Variants in DNAH3 observed in about 807,000 individuals in gnomAD.
DNAH3 encodes axonemal beta dynein heavy chain 3.
A neutral mutation model predicts 432.5 loss-of-function variants in DNAH3; 332 were observed. The observed-to-expected ratio is 0.77, with a 90% CI of 0.70 to 0.84. DNAH3 has a LOEUF of 0.84. Among genes scored for constraint, DNAH3 ranks in the 40% least tolerant of loss-of-function variants. The probability of loss-of-function intolerance (pLI) is 0.00; values close to 1 mark genes in which losing one functional copy is unlikely to be tolerated. For synonymous variants in DNAH3, 1,956 were observed against 1,900.2 expected (o/e 1.03, Z -0.76); for missense variants, 4,861 against 5,114.0 (o/e 0.95, Z 1.51).
At chr16:21,003,589 A>G (rs1227769467) in intron 41 of DNAH3, among the ~76,000 whole-genome samples, 1 of 152,098 alleles carries the variant, frequency 6.6e-6, no homozygotes, top group African/African-American at 2.4e-5. Context: ...CCTCGCCAAC[A>G]GGGTGAAACC....
At chr16:21,098,714 T>C (rs1183774169) in exon 17 of DNAH3, 1 of 1,613,902 alleles carries the variant, frequency 6.2e-7, no homozygotes, top group Non-Finnish European at 8.5e-7. Context: ...TCGCGCTTCC[T>C]AAAACTTTCC....
chr16:21,001,198 G>T (rs1229657926), intron 42 of DNAH3, among the ~76,000 whole-genome samples: 3 of 152,216 alleles, frequency 2.0e-5, no homozygotes, highest in Non-Finnish European at 4.4e-5. Context: ...TCAGGTCCCA[G>T]TTGGACTCTT....
chr16:21,048,635 T>G (rs1222801152), intron 31 of DNAH3, among the ~76,000 whole-genome samples: 1 of 151,962 alleles, frequency 6.6e-6, no homozygotes, highest in Non-Finnish European at 1.5e-5. Flanking sequence ...ATCACCCGTC[T>G]TCTTCGTCGC....
At chr16:20,971,061 T>C (rs1323308843) in intron 51 of DNAH3, among the ~76,000 whole-genome samples, 1 of 151,984 alleles carries the variant, frequency 6.6e-6, no homozygotes, top group Non-Finnish European at 1.5e-5. Context: ...ATAGATGGGG[T>C]TTCACCATGT....
At chr16:20,959,436 G>C in intron 53 of DNAH3, 32 bp from the exon 54 acceptor site, 1 of 1,598,128 alleles carries the variant, frequency 6.3e-7, no homozygotes, top group Non-Finnish European at 8.6e-7. Flanking sequence ...GCTTTTGAAA[G>C]ACGACAGGCC....
chr16:21,007,076 G>C (rs1336051528), intron 41 of DNAH3, among the ~76,000 whole-genome samples: 1 of 152,064 alleles, frequency 6.6e-6, no homozygotes, highest in African/African-American at 2.4e-5. Flanking sequence ...ACCAATACTT[G>C]TTGTTTTTCA....
intron 14 of DNAH3, among the ~76,000 whole-genome samples, chr16:21,111,180 G>C (rs1233326130): frequency 6.6e-6 from 1 of 152,170 alleles, no homozygotes; most frequent in Non-Finnish European, 1.5e-5. Context: ...TTTTGAAAAA[G>C]AAAAAGATTG....
intron 20 of DNAH3, among the ~76,000 whole-genome samples, chr16:21,080,389 T>C (rs750362493): frequency 5.3e-5 from 8 of 152,256 alleles, no homozygotes; most frequent in Non-Finnish European, 1.0e-4. Context: ...CAATAATGTA[T>C]TTGACTCAAT....
Position 21,067,772 on chromosome 16 carries a change from G to GAGGGA in DNAH3, c.3382-354_3382-353insTCCCT, listed in dbSNP as rs376704368. On this transcript the variant is annotated intron_variant, in intron 23 of 61. Transcript: ENST00000261383. ...AAGCCAGTCTTGGGGGGGGGGGTGG[G>GAGGGA]GAGGGAGAGAGAGAGAGAGAGAGAG... Among the ~76,000 whole-genome samples the GAGGGA allele has an allele frequency of 6.0e-3, 142 of 23,638 alleles. 1 individual carries two copies. The highest frequency in any genetic ancestry group is 0.014 in the Middle Eastern group (1 of 70). 15.5% of individuals were successfully genotyped at this position (23,638 alleles called of 152,430 possible).
At chr16:21,084,634 AT>A (rs2091303242) in intron 19 of DNAH3, among the ~76,000 whole-genome samples, 2 of 152,140 alleles carry the variant, frequency 1.3e-5, no homozygotes, top group African/African-American at 4.8e-5. Flanking sequence ...GATTTTTTAA[AT>A]TTAAATTAAT....
chr16:21,106,805 A>G (rs528891284), intron 14 of DNAH3, 131 bp from the exon 15 acceptor site: 13 of 742,662 alleles, frequency 1.8e-5, no homozygotes, highest in Middle Eastern at 4.3e-4. Flanking sequence ...ATTTTTTTTT[A>G]ATTTTTTCCC....
intron 42 of DNAH3, among the ~76,000 whole-genome samples, chr16:21,001,528 T>C (rs1567617421): frequency 6.6e-6 from 1 of 152,156 alleles, no homozygotes; most frequent in African/African-American, 2.4e-5. Flanking sequence ...CTATGTATAC[T>C]GGTAGAAAAA....
intron 5 of DNAH3, chr16:21,140,272 G>A (rs2092701603): frequency 3.4e-6 from 1 of 290,630 alleles, no homozygotes; most frequent in Non-Finnish European, 6.3e-6. Context: ...CACTATTTTT[G>A]CAACTTATAT....
chr16:21,037,191 C>T (rs2089215327), intron 34 of DNAH3, among the ~76,000 whole-genome samples: 2 of 152,100 alleles, frequency 1.3e-5, no homozygotes, highest in Admixed American at 1.3e-4. Context: ...TGCCTGTAAT[C>T]CCAGCTATTC....
intron 53 of DNAH3, among the ~76,000 whole-genome samples, chr16:20,962,700 A>G (rs1567534607): frequency 6.6e-6 from 1 of 152,188 alleles, no homozygotes; most frequent in East Asian, 1.9e-4. Flanking sequence ...TCTGTCACCT[A>G]GACTGGAGTG....
chr16:21,054,954 C>T (rs1016045191), intron 27 of DNAH3, among the ~76,000 whole-genome samples: 2 of 151,704 alleles, frequency 1.3e-5, no homozygotes, highest in East Asian at 1.9e-4. Flanking sequence ...AACTGAGAAC[C>T]GTATGCTAAA....
At chr16:21,007,566 T>C (rs1008563196) in intron 41 of DNAH3, among the ~76,000 whole-genome samples, 1 of 152,212 alleles carries the variant, frequency 6.6e-6, no homozygotes, top group African/African-American at 2.4e-5. Flanking sequence ...GTTATTTGTC[T>C]TTTTATTATT....
chr16:21,144,937 G>C (rs1215764051), intron 3 of DNAH3, among the ~76,000 whole-genome samples: 1 of 151,894 alleles, frequency 6.6e-6, no homozygotes, highest in Non-Finnish European at 1.5e-5. Context: ...GGCCAACATA[G>C]TGAAACCCCA....
chr16:21,139,849 G>C (rs2092696347), intron 5 of DNAH3, among the ~76,000 whole-genome samples: 1 of 129,358 alleles, frequency 7.7e-6, no homozygotes, highest in African/African-American at 3.0e-5. Context: ...GCTCAATCTT[G>C]GCTCACTGCA....
Sources: gnomAD v4.1 joint callset for allele counts (sites outside exome capture counted in the v4.1 genomes callset) on GRCh38, gnomAD v4.1.1 for gene constraint, MANE v1.5 for transcripts, NCBI Gene and HGNC (gene_info 2026-07-23, HGNC 2026-07-21) for gene names.